Variants in DACH1 observed in about 807,000 individuals in gnomAD.
The protein encoded by DACH1 is dachshund homolog 1.
DACH1 carries 12 observed loss-of-function variants against 54.2 expected under a neutral mutation model. The ratio of observed to expected loss-of-function variants is 0.22; its 90% CI spans 0.14 to 0.36. DACH1 has a LOEUF of 0.36. Ranked by LOEUF, DACH1 falls within the 10% of genes least tolerant of loss-of-function variation. DACH1 has a pLI of 1.00. For synonymous variants in DACH1, 386 were observed against 366.2 expected (o/e 1.05, Z -0.62); for missense variants, 805 against 929.8 (o/e 0.87, Z 1.75).
chr13:71,823,223 T>C (rs1472335790), intron 1 of DACH1, among the ~76,000 whole-genome samples: 1 of 152,042 alleles, frequency 6.6e-6, no homozygotes, highest in Non-Finnish European at 1.5e-5. Flanking sequence ...GACAGCAAAA[T>C]TATTCAATCT....
intron 6 of DACH1, among the ~76,000 whole-genome samples, chr13:71,535,591 C>T (rs977756927): frequency 6.6e-6 from 1 of 151,850 alleles, no homozygotes; most frequent in Non-Finnish European, 1.5e-5. Flanking sequence ...AAGTCAGGCG[C>T]ATTTTTTTCC....
intron 2 of DACH1, among the ~76,000 whole-genome samples, chr13:71,644,057 A>G (rs1014019638): frequency 7.2e-5 from 11 of 152,210 alleles, no homozygotes; most frequent in Admixed American, 1.3e-4. Context: ...GGAGGGGGAC[A>G]TGTTTTCTTC....
At chr13:71,628,266 C>T (rs999534904) in intron 3 of DACH1, among the ~76,000 whole-genome samples, 1 of 151,974 alleles carries the variant, frequency 6.6e-6, no homozygotes, top group Non-Finnish European at 1.5e-5. Flanking sequence ...TTTGTACCTC[C>T]CCCATTACCA....
In DACH1 at chr13:71,603,246, T is replaced by G. The variant is rs558797229; in HGVS notation, c.1126+27310A>C. 3.3e-5 allele frequency among the ~76,000 whole-genome samples: 5 copies of G among 152,108 alleles called. No homozygotes were observed. In the East Asian group the frequency reaches 7.7e-4, roughly 24 times the overall value. ...GAAACTGGTTTCCCCCATTAGGACA[T>G]GTATACCAATGGTGGATTACTCCAG... On this transcript the variant is annotated intron_variant, in intron 3 of 10. Transcript: ENST00000613252.
intron 6 of DACH1, among the ~76,000 whole-genome samples, chr13:71,517,743 T>C (rs997402979): frequency 3.3e-5 from 5 of 151,892 alleles, no homozygotes; most frequent in African/African-American, 9.7e-5. Context: ...TCCTGAAGCA[T>C]TGCTTCTTAT....
chr13:71,566,646 A>G (rs1332641099), intron 4 of DACH1, among the ~76,000 whole-genome samples: 2 of 152,148 alleles, frequency 1.3e-5, no homozygotes, highest in East Asian at 3.9e-4. Context: ...TATAAAATCA[A>G]GCATTTAAAC....
intron 1 of DACH1, among the ~76,000 whole-genome samples, chr13:71,781,706 G>A (rs567276908): frequency 5.3e-5 from 8 of 152,106 alleles, no homozygotes; most frequent in Middle Eastern, 3.4e-3. Flanking sequence ...ATTCTTAGAC[G>A]ACCTAACAAT....
intron 5 of DACH1, among the ~76,000 whole-genome samples, chr13:71,558,845 T>A (rs1884415774): frequency 1.3e-5 from 2 of 152,026 alleles, no homozygotes; most frequent in Non-Finnish European, 2.9e-5. Flanking sequence ...AGCTCCCAGA[T>A]CAACAATTTT....
At chr13:71,779,250 TATAC>T (rs1886252617) in intron 1 of DACH1, among the ~76,000 whole-genome samples, 1 of 69,842 alleles carries the variant, frequency 1.4e-5, no homozygotes, top group Non-Finnish European at 3.0e-5. Context: ...TATATACGTA[TATAC>T]GTATATATGT....
At chr13:71,527,093 C>A (rs183225584) in intron 6 of DACH1, among the ~76,000 whole-genome samples, 2 of 151,800 alleles carry the variant, frequency 1.3e-5, no homozygotes, top group East Asian at 3.9e-4. Flanking sequence ...AACAGCATTA[C>A]TTTTTGTCTT....
At chr13:71,852,907 C>A (rs1873766331) in intron 1 of DACH1, among the ~76,000 whole-genome samples, 1 of 152,118 alleles carries the variant, frequency 6.6e-6, no homozygotes, top group Admixed American at 6.5e-5. Context: ...GCATATCAAT[C>A]CTAATTAGAC....
At chr13:71,450,142 G>A (rs1158094900) in intron 10 of DACH1, among the ~76,000 whole-genome samples, 1 of 147,730 alleles carries the variant, frequency 6.8e-6, no homozygotes, top group Non-Finnish European at 1.5e-5. Flanking sequence ...CTTTTATTTT[G>A]CTTCATTTTA....
intron 1 of DACH1, among the ~76,000 whole-genome samples, chr13:71,828,743 C>T (rs948724806): frequency 1.3e-5 from 2 of 151,914 alleles, no homozygotes; most frequent in Non-Finnish European, 2.9e-5. Flanking sequence ...TTCCTTTTAG[C>T]CTGCTGGTTC....
chr13:71,459,498 A>C (rs1202250815), intron 10 of DACH1, among the ~76,000 whole-genome samples: 1 of 151,970 alleles, frequency 6.6e-6, no homozygotes, highest in Non-Finnish European at 1.5e-5. Flanking sequence ...ATTTTGAAAC[A>C]TCCAGAACTT....
intron 1 of DACH1, among the ~76,000 whole-genome samples, chr13:71,801,184 G>C (rs1887275480): frequency 6.6e-6 from 1 of 152,050 alleles, no homozygotes; most frequent in South Asian, 2.1e-4. Flanking sequence ...AGTCCTTCCT[G>C]GAAAGGTGCT....
Position 71,866,219 on chromosome 13 carries a change from T to A in DACH1, c.551A>T (p.Gln184Leu), listed in dbSNP as rs952648859. ...STPSPVENTP[Q>L]NNECKMVDLR... ...ATCCACCATTTTGCACTCATTATTC[T>A]GAGGGGTGTTTTCCACTGGGGACGG... is the stretch of plus-strand genomic sequence containing the variant. The change falls in exon 1 of 11, where the codon CAG becomes CTG. Residue 184 changes from glutamine (Q) to leucine (L), a missense_variant. Physicochemically the swap from Gln to Leu is moderately radical, Grantham distance 113. This residue lies in a region of DACH1 where 305 missense variants were observed against 308.7 expected (regional missense o/e 0.99). Transcript: ENST00000613252. The A allele has an allele frequency of 6.2e-7, 1 of 1,612,718 alleles. No individual in the cohort carries two copies. Among genetic ancestry groups the A allele is most frequent in the Non-Finnish European group, 8.5e-7 (1 of 1,179,336 alleles).
intron 1 of DACH1, among the ~76,000 whole-genome samples, chr13:71,740,636 A>AAG (rs1167620113): frequency 1.3e-5 from 2 of 152,154 alleles, no homozygotes; most frequent in African/African-American, 4.8e-5. Context: ...GCATAAGGTA[A>AAG]AGGTAGCAAC....
At chr13:71,714,160 A>C (rs529622899) in intron 1 of DACH1, among the ~76,000 whole-genome samples, 1 of 152,130 alleles carries the variant, frequency 6.6e-6, no homozygotes, top group East Asian at 1.9e-4. Flanking sequence ...TTTATGGTAC[A>C]CTTTCATAGA....
At chr13:71,849,398 C>CGTTA (rs1566541662) in intron 1 of DACH1, among the ~76,000 whole-genome samples, 1 of 152,136 alleles carries the variant, frequency 6.6e-6, no homozygotes, top group Non-Finnish European at 1.5e-5. Context: ...AGAGACCTGC[C>CGTTA]GTTACACAAG....
Sources: allele counts gnomAD v4.1 joint callset (sites outside exome capture counted in the v4.1 genomes callset), GRCh38; gene constraint gnomAD v4.1.1; regional missense constraint gnomAD v4.1.1; transcripts MANE v1.5; gene names NCBI Gene and HGNC (gene_info 2026-07-23, HGNC 2026-07-21).